Variants in QKI observed in about 807,000 individuals in gnomAD.
QKI encodes the protein KH domain-containing RNA-binding protein QKI.
QKI carries 10 observed loss-of-function variants against 39.0 expected under a neutral mutation model. The ratio of observed to expected loss-of-function variants is 0.26; its 90% confidence interval spans 0.16 to 0.43. QKI has a LOEUF of 0.43. QKI is among the 20% of genes least tolerant of loss of function. The pLI is 1.00. For synonymous variants in QKI, 204 were observed against 155.4 expected, an observed-to-expected ratio of 1.31 and a Z score of -2.33; for missense variants, 218 against 428.0, an observed-to-expected ratio of 0.51 and a Z score of 4.33.
At chr6:163,439,949 C>G (rs1478631980) in intron 1 of QKI, among the ~76,000 whole-genome samples, 1 of 152,094 alleles carries the variant, frequency 6.6e-6, no homozygotes, top group Non-Finnish European at 1.5e-5. Context: ...TGTGCCTGGC[C>G]TAGAATAATC....
intron 3 of QKI, among the ~76,000 whole-genome samples, chr6:163,510,813 G>C (rs549697684): frequency 6.6e-6 from 1 of 152,030 alleles, no homozygotes; most frequent in Non-Finnish European, 1.5e-5. Context: ...CATGAAAACT[G>C]ACTAAAGGCA....
At chr6:163,529,609 CT>C (rs1372697295) in intron 3 of QKI, among the ~76,000 whole-genome samples, 2 of 152,138 alleles carry the variant, frequency 1.3e-5, no homozygotes, top group Non-Finnish European at 2.9e-5. Context: ...CTTCCATAAA[CT>C]TATGGGTGTC....
chr6:163,564,074 G>C (rs1783202098), intron 6 of QKI: 1 of 1,079,710 alleles, frequency 9.3e-7, no homozygotes, highest in Admixed American at 4.7e-5. Context: ...AACTTTATTT[G>C]AGATTTATTT....
At chr6:163,544,395 C>T (rs559407024) in intron 4 of QKI, among the ~76,000 whole-genome samples, 37 of 152,096 alleles carry the variant, frequency 2.4e-4, no homozygotes, top group African/African-American at 8.7e-4. Flanking sequence ...CAGTTCCCCG[C>T]AGATAATGAG....
At chr6:163,508,663 G>C (rs1333233518) in intron 3 of QKI, among the ~76,000 whole-genome samples, 1 of 151,080 alleles carries the variant, frequency 6.6e-6, no homozygotes, top group Non-Finnish European at 1.5e-5. Context: ...CCAAGTAGCT[G>C]GGATTACAGG....
At position 163,570,890 on chromosome 6, in the gene QKI, T is replaced by A; in HGVS notation, c.*180T>A. 8.1e-6 allele frequency: 6 copies of A among 739,758 alleles called. No homozygotes were observed. The highest frequency in any genetic ancestry group is 1.2e-5 in the Non-Finnish European group (6 of 484,842). 45.8% of individuals were successfully genotyped at this position (739,758 alleles called of 1,614,324 possible). On this transcript the variant is annotated 3_prime_UTR_variant, in exon 8 of 8. Coordinates refer to ENST00000361752, the MANE Select transcript of QKI (RefSeq NM_006775.3). ...GACAAAGAAATTGTTGTCCTCCAAC[T>A]CAGCTTTTTTTTTTTTTTTTTCCTG...
At chr6:163,568,622 G>A (rs1019789833) in intron 7 of QKI, 3 of 975,566 alleles carry the variant, frequency 3.1e-6, no homozygotes, top group African/African-American at 1.8e-5. Context: ...CTCTATTTTT[G>A]AGGTTAAAAT....
intron 1 of QKI, among the ~76,000 whole-genome samples, chr6:163,448,398 T>C (rs1244373508): frequency 6.6e-6 from 1 of 151,914 alleles, no homozygotes; most frequent in Non-Finnish European, 1.5e-5. Context: ...CAGATTTATT[T>C]GGTTGTTAGA....
rs148314995 is a variant in QKI at position 163,567,889 on chromosome 6, G to C, written c.1009+1094G>C. The C allele has an allele frequency of 7.1e-6, 7 of 985,568 alleles. 1 individual carries two copies. The African/African-American group carries it at 1.2e-4, about 17-fold the overall frequency. The allele number at this position is 985,568 out of a possible 1,614,324, so 61.1% of individuals were successfully genotyped here. A position where few individuals can be genotyped will look rare whatever the true frequency, so the allele number is the denominator to read the frequency against. On this transcript the variant is annotated intron_variant, in intron 7 of 7. Coordinates refer to ENST00000361752, the MANE Select transcript of QKI (RefSeq NM_006775.3). ...CCTACCTGCTTTATGTGATTACCTT[G>C]AGTACTGATGATAAATACTAGACAC...
chr6:163,451,392 C>T (rs1458855055), intron 1 of QKI, among the ~76,000 whole-genome samples: 5 of 152,082 alleles, frequency 3.3e-5, no homozygotes, highest in African/African-American at 4.8e-5. Context: ...CTAGACAGAT[C>T]AGAGTGCATC....
At chr6:163,522,165 C>T (rs1408252457) in intron 3 of QKI, among the ~76,000 whole-genome samples, 1 of 152,120 alleles carries the variant, frequency 6.6e-6, no homozygotes, top group African/African-American at 2.4e-5. Context: ...AACATTTTGT[C>T]ATATAACCTT....
At chr6:163,542,689 G>A (rs759277836) in intron 4 of QKI, among the ~76,000 whole-genome samples, 5 of 152,044 alleles carry the variant, frequency 3.3e-5, no homozygotes, top group Non-Finnish European at 7.4e-5. Context: ...TTTTCTTTAT[G>A]GTGAGTAAAA....
Position 163,540,904 on chromosome 6 carries a change from G to A in QKI, c.546+5779G>A, listed in dbSNP as rs140703277. Among the ~76,000 whole-genome samples the A allele has an allele frequency of 5.2e-3, 786 of 151,868 alleles. 11 individuals carry two copies. Among genetic ancestry groups the A allele is most frequent in the African/African-American group, 0.018 (751 of 41,458 alleles). On this transcript the variant is annotated intron_variant, in intron 4 of 7. Coordinates refer to ENST00000361752, the MANE Select transcript of QKI (RefSeq NM_006775.3). ...TTTTTTTTCTTCCTGATCCAATCTA[G>A]TTCTAGAGTTTTATCAATTTTATCA...
chr6:163,464,151 G>A (rs1271670049), intron 2 of QKI, among the ~76,000 whole-genome samples: 10 of 152,148 alleles, frequency 6.6e-5, no homozygotes, highest in African/African-American at 2.4e-4. Context: ...TCTGAAGTCA[G>A]GAACTCGCTC....
chr6:163,489,424 CTGTG>C (rs66826538), intron 3 of QKI, among the ~76,000 whole-genome samples: 1,795 of 149,020 alleles, frequency 0.012, 34 homozygotes, highest in African/African-American at 0.028. Context: ...AGAAGTTATG[CTGTG>C]TGTGTGTGTG....
intron 3 of QKI, among the ~76,000 whole-genome samples, chr6:163,524,492 T>C (rs1780352792): frequency 1.3e-5 from 2 of 152,056 alleles, no homozygotes; most frequent in South Asian, 2.1e-4. Flanking sequence ...AGATGGAGTT[T>C]CGTTTCGCTC....
chr6:163,565,843 C>G, intron 6 of QKI: 1 of 1,504,200 alleles, frequency 6.6e-7, no homozygotes, highest in Non-Finnish European at 9.0e-7. Flanking sequence ...CAGTGCCCTT[C>G]AAAACAGATG....
At chr6:163,474,571 A>G (rs1792440345) in intron 2 of QKI, among the ~76,000 whole-genome samples, 1 of 152,104 alleles carries the variant, frequency 6.6e-6, no homozygotes, top group Non-Finnish European at 1.5e-5. Flanking sequence ...GTAAATTTGT[A>G]GGAATGAATC....
chr6:163,522,343 T>C (rs1780214104), intron 3 of QKI, among the ~76,000 whole-genome samples: 2 of 152,232 alleles, frequency 1.3e-5, no homozygotes, highest in South Asian at 4.1e-4. Context: ...AGAAACTCAA[T>C]TATTATTTAT....
Sources: allele counts gnomAD v4.1 joint callset (sites outside exome capture counted in the v4.1 genomes callset), GRCh38; gene constraint gnomAD v4.1.1; transcripts MANE v1.5; gene names NCBI Gene and HGNC (gene_info 2026-07-23, HGNC 2026-07-21).